DYNC1I2: variants seen among roughly 807,000 people sequenced by gnomAD.
DYNC1I2 encodes cytoplasmic dynein 1 intermediate chain 2.
In DYNC1I2, 53 loss-of-function variants were observed where a neutral mutation model predicts 88.6. That is an observed-to-expected ratio of 0.60 (90% CI 0.48 to 0.75). The LOEUF (loss-of-function observed/expected upper bound fraction) is 0.75. DYNC1I2 is among the 30% of genes least tolerant of loss of function. DYNC1I2 has a pLI of 0.00. For synonymous variants in DYNC1I2, 198 were observed against 254.6 expected, an observed-to-expected ratio of 0.78 and a Z score of 2.12; for missense variants, 458 against 766.6, an observed-to-expected ratio of 0.60 and a Z score of 4.75.
rs200139194 is a variant in DYNC1I2, at chr2:171,712,803, G to A, written c.372G>A (p.Gln124=). The change falls in exon 6 of 18, where the codon CAG becomes CAA. Residue 124 remains glutamine (Q), a synonymous_variant. Coordinates refer to ENST00000397119, the MANE Select transcript of DYNC1I2 (RefSeq NM_001378.3). ...LHWDTDPSVL[Q]LHSDSDLGRG... ...GGGATACAGATCCATCAGTTCTTCA[G>A]CTTCACTCAGATTCCGATTTGGGGT... The A allele has an allele frequency of 5.6e-4, 910 of 1,613,294 alleles. 4 individuals carry two copies. Among genetic ancestry groups the A allele is most frequent in the Non-Finnish European group, 2.1e-4 (252 of 1,179,568 alleles).
At chr2:171,736,334 C>T (rs78752886) in intron 15 of DYNC1I2, among the ~76,000 whole-genome samples, 2,650 of 152,176 alleles carry the variant, frequency 0.017, 89 homozygotes, top group African/African-American at 0.061. Context: ...GAGTGCTAAC[C>T]GGAACTAACA....
intron 15 of DYNC1I2, among the ~76,000 whole-genome samples, chr2:171,743,059 T>G (rs1689553028): frequency 6.6e-6 from 1 of 152,130 alleles, no homozygotes; most frequent in Admixed American, 6.5e-5. Flanking sequence ...TCCAAAAAAC[T>G]TAACTACTAA....
intron 2 of DYNC1I2, among the ~76,000 whole-genome samples, chr2:171,691,361 A>G (rs1259164713): frequency 1.3e-5 from 2 of 152,188 alleles, no homozygotes; most frequent in Non-Finnish European, 2.9e-5. Context: ...TACTTTTACT[A>G]CAGATATGTT....
intron 5 of DYNC1I2, among the ~76,000 whole-genome samples, chr2:171,708,723 G>T (rs1240823692): frequency 2.6e-5 from 4 of 151,348 alleles, no homozygotes; most frequent in Non-Finnish European, 5.9e-5. Context: ...TGCAGACAGG[G>T]TCTCTGTCAC....
intron 7 of DYNC1I2, among the ~76,000 whole-genome samples, chr2:171,723,402 T>C (rs1320433388): frequency 4.6e-5 from 7 of 152,184 alleles, no homozygotes; most frequent in Non-Finnish European, 2.9e-5. Context: ...GGAAAATATA[T>C]GTATATTCTT....
chr2:171,743,988 G>C (rs764287460), intron 15 of DYNC1I2, 61 bp from the exon 16 acceptor site: 14 of 1,402,060 alleles, frequency 1.0e-5, no homozygotes, highest in Admixed American at 5.0e-5. Flanking sequence ...CCAGTGATAA[G>C]TAGTTTAATG....
In DYNC1I2 at chr2:171,725,732, C is replaced by G. The variant is rs1269657823; in HGVS notation, c.607+19C>G. ...AGTAAAGGTATCTTAAGGAATTAAACTTTAAAACATTTTGTTGATTTCTGT... is the reference window on the plus strand; with the variant it reads ...AGTAAAGGTATCTTAAGGAATTAAAGTTTAAAACATTTTGTTGATTTCTGT... On this transcript the variant is annotated intron_variant, in intron 8 of 17. Transcript: ENST00000397119. The G allele has an allele frequency of 6.7e-7, 1 of 1,481,898 alleles. No individual in the cohort carries two copies. Among genetic ancestry groups the G allele is most frequent in the African/African-American group, 1.5e-5 (1 of 68,534 alleles). The allele number at this position is 1,481,898 out of a possible 1,614,324, so 91.8% of individuals were successfully genotyped here. A position where few individuals can be genotyped will look rare whatever the true frequency, so the allele number is the denominator to read the frequency against.
At chr2:171,720,931 C>T (rs1250266513) in intron 7 of DYNC1I2, among the ~76,000 whole-genome samples, 1 of 151,524 alleles carries the variant, frequency 6.6e-6, no homozygotes, top group Non-Finnish European at 1.5e-5. Flanking sequence ...TTGATGAAAT[C>T]ACAGATAACA....
chr2:171,693,473 C>T (rs1685538928), intron 3 of DYNC1I2, among the ~76,000 whole-genome samples: 1 of 152,176 alleles, frequency 6.6e-6, no homozygotes, highest in African/African-American at 2.4e-5. Flanking sequence ...AGTAGAGGTA[C>T]ACAGGACAAT....
At chr2:171,707,187 C>A (rs775093836) in intron 4 of DYNC1I2, 100 bp from the exon 5 acceptor site, 1 of 1,550,410 alleles carries the variant, frequency 6.4e-7, no homozygotes. Flanking sequence ...TTGTTTTTTT[C>A]TTTTTTGTTA....
intron 5 of DYNC1I2, among the ~76,000 whole-genome samples, chr2:171,707,913 G>A (rs1686804115): frequency 6.6e-6 from 1 of 152,180 alleles, no homozygotes; most frequent in Admixed American, 6.5e-5. Flanking sequence ...AAGCATTCCT[G>A]AACTTGCATC....
intron 16 of DYNC1I2, among the ~76,000 whole-genome samples, chr2:171,745,042 G>A (rs1689690304): frequency 6.6e-6 from 1 of 152,066 alleles, no homozygotes; most frequent in South Asian, 2.1e-4. Context: ...AACAATTTTG[G>A]TATTCTGTGT....
At chr2:171,716,049 C>A (rs150074903) in intron 7 of DYNC1I2, among the ~76,000 whole-genome samples, 1 of 151,962 alleles carries the variant, frequency 6.6e-6, no homozygotes, top group East Asian at 1.9e-4. Flanking sequence ...AAATAGCTAA[C>A]GATTCAAGCA....
At chr2:171,702,813 A>G (rs557768866) in intron 3 of DYNC1I2, among the ~76,000 whole-genome samples, 1 of 152,198 alleles carries the variant, frequency 6.6e-6, no homozygotes, top group African/African-American at 2.4e-5. Flanking sequence ...TCCAGGCTCA[A>G]GCAGTACTTT....
At chr2:171,729,638 A>G (rs1179400539) in intron 14 of DYNC1I2, 71 bp from the exon 15 acceptor site, 30 of 1,527,978 alleles carry the variant, frequency 2.0e-5, no homozygotes, top group Non-Finnish European at 1.3e-5. Flanking sequence ...ATATAAACCT[A>G]TAATAAAATG....
In DYNC1I2 at chr2:171,747,910, A is replaced by T; in HGVS notation, c.*21A>T. ...CTTAGTTCCTGAAAAGGGGAGTGTA[A>T]CTAGTGGATTTGGGAAAGGTTCTTA... On this transcript the variant is annotated 3_prime_UTR_variant, in exon 18 of 18. Coordinates refer to ENST00000397119, the MANE Select transcript of DYNC1I2 (RefSeq NM_001378.3). 2.0e-6 allele frequency: 3 copies of T among 1,530,364 alleles called. No individual in the cohort carries two copies. Among genetic ancestry groups the T allele is most frequent in the Non-Finnish European group, 2.7e-6 (3 of 1,108,440 alleles). The allele number at this position is 1,530,364 out of a possible 1,614,324, so 94.8% of individuals were successfully genotyped here.
chr2:171,729,842 T>G lies in DYNC1I2; in HGVS notation c.1525T>G (p.Trp509Gly). ...ATCGTTTGACTGGACAGTAAAGCTT[T>G]GGACAACTAAGGTATCTAAAATATA... ...TSSFDWTVKLWTTKNNKPLYS... is the reference protein window; with the variant it reads ...TSSFDWTVKLGTTKNNKPLYS... Residue 509 changes from tryptophan to glycine, a missense_variant, in exon 15 of 18, where the codon TGG (tryptophan) becomes GGG (glycine). By Grantham distance (184) the Trp-to-Gly change is radical. Transcript: ENST00000397119. 6.2e-7 allele frequency: 1 copy of G among 1,613,680 alleles called. No individual in the cohort carries two copies.
chr2:171,700,178 G>C (rs1293606014), intron 3 of DYNC1I2, among the ~76,000 whole-genome samples: 1 of 152,136 alleles, frequency 6.6e-6, no homozygotes, highest in African/African-American at 2.4e-5. Context: ...AGTTGGTGTT[G>C]GTTGCTAGTG....
At chr2:171,728,983 A>G (rs1290599217) in intron 14 of DYNC1I2, 133 bp downstream of exon 14, 24 of 988,822 alleles carry the variant, frequency 2.4e-5, no homozygotes, top group Non-Finnish European at 3.5e-5. Flanking sequence ...GTTCAGGCAC[A>G]TAAAATTAAA....
Sources: gnomAD v4.1 joint callset for allele counts (sites outside exome capture counted in the v4.1 genomes callset) on GRCh38, gnomAD v4.1.1 for gene constraint, MANE v1.5 for transcripts, NCBI Gene and HGNC (gene_info 2026-07-23, HGNC 2026-07-21) for gene names.